The following GATA3 variants were observed in gnomAD, a reference collection of about 807,000 sequenced individuals.
GATA3 encodes the protein GATA binding protein 3.
A neutral mutation model predicts 36.0 loss-of-function variants in GATA3; 6 were observed. The observed-to-expected ratio is 0.17, with a 90% CI of 0.09 to 0.33. GATA3 has a LOEUF of 0.33. Ranked by LOEUF, GATA3 falls within the 10% of genes least tolerant of loss-of-function variation. The probability of loss-of-function intolerance (pLI) is 1.00; values close to 1 mark genes in which losing one functional copy is unlikely to be tolerated. For synonymous variants in GATA3, 326 were observed against 273.0 expected, an observed-to-expected ratio of 1.19 and a Z score of -1.92; for missense variants, 514 against 610.1, an observed-to-expected ratio of 0.84 and a Z score of 1.66.
intron 1 of GATA3, among the ~76,000 whole-genome samples, chr10:8,046,548 G>C (rs66655691): frequency 0.22 from 33,345 of 151,948 alleles, 3,887 homozygotes; most frequent in Middle Eastern, 0.29. Context: ...CTGCCGAGAA[G>C]GTAGTGGTAG....
intron 1 of GATA3, among the ~76,000 whole-genome samples, chr10:8,046,496 T>C (rs530992929): frequency 2.0e-5 from 3 of 152,178 alleles, no homozygotes; most frequent in Non-Finnish European, 2.9e-5. Flanking sequence ...AAGGGATCCA[T>C]GTTGAAGTAG....
chr10:8,067,239 A>T (rs1832856796), intron 4 of GATA3, among the ~76,000 whole-genome samples: 1 of 152,220 alleles, frequency 6.6e-6, no homozygotes, highest in African/African-American at 2.4e-5. Context: ...TGTGAATTAC[A>T]TTCAAGATGG....
At chr10:8,049,079 A>AAAAC (rs924299880), upstream of GATA3, among the ~76,000 whole-genome samples, 5 of 150,358 alleles carry the variant, frequency 3.3e-5, no homozygotes, top group African/African-American at 9.9e-5. Flanking sequence ...ATGAATAAGC[A>AAAAC]AAACAAACAA....
At chr10:8,045,884 G>A (rs564843244) in intron 1 of GATA3, among the ~76,000 whole-genome samples, 1 of 152,202 alleles carries the variant, frequency 6.6e-6, no homozygotes, top group Non-Finnish European at 1.5e-5. Flanking sequence ...GTGCCCAGGA[G>A]CCTTCTTCTA....
chr10:8,064,314 T>C (rs868561917), intron 4 of GATA3, among the ~76,000 whole-genome samples, 176 bp downstream of exon 4: 52 of 47,644 alleles, frequency 1.1e-3, no homozygotes, highest in South Asian at 1.6e-3. Context: ...TCTTCTTCTT[T>C]TTTTTTTTTT....
At position 8,058,795 on chromosome 10, in the gene GATA3, C is replaced by A. The variant is rs376009073; in HGVS notation, c.732C>A (p.Pro244=). ...FPPSSLLGGS[P]TGFGCKSRPK... ...CCAGCAGCCTGCTGGGCGGCTCCCC[C>A]ACCGGCTTCGGATGCAAGTCCAGGC... Residue 244 remains proline (P), a synonymous_variant, in exon 3 of 6, where the codon CCC becomes CCA. Coordinates refer to ENST00000379328, the MANE Select transcript of GATA3 (RefSeq NM_001002295.2). The A allele has an allele frequency of 4.4e-6, 7 of 1,608,168 alleles. No homozygotes were observed. The highest frequency in any genetic ancestry group is 5.9e-6 in the Non-Finnish European group (7 of 1,179,820).
intron 4 of GATA3, among the ~76,000 whole-genome samples, chr10:8,064,697 C>A (rs1484634359): frequency 6.6e-6 from 1 of 152,232 alleles, no homozygotes; most frequent in Non-Finnish European, 1.5e-5. Context: ...CACCAGCAAC[C>A]AGTGAGCCTA....
chr10:8,071,559 C>T (rs1206762273), intron 5 of GATA3, among the ~76,000 whole-genome samples: 1 of 152,134 alleles, frequency 6.6e-6, no homozygotes, highest in Non-Finnish European at 1.5e-5. Flanking sequence ...CTCTCCATGG[C>T]TCACTTCTAC....
chr10:8,060,747 CT>C lies in GATA3; in HGVS notation c.778+1909del, dbSNP rs1832733981. On this transcript the variant is annotated intron_variant, in intron 3 of 5. Transcript: ENST00000379328. ...TTTAGTCTTTTCTTTCCTCTCATTT[CT>C]TTCCATAAGACTCTGAACATGGAGG... 2.0e-5 allele frequency among the ~76,000 whole-genome samples: 3 copies of C among 152,266 alleles called. No individual in the cohort carries two copies. In the South Asian group the frequency reaches 6.2e-4, roughly 32 times the overall value.
At chr10:8,073,676 G>C (rs1016066835) in intron 5 of GATA3, 63 bp from the exon 6 acceptor site, 169 of 1,517,122 alleles carry the variant, frequency 1.1e-4, no homozygotes, top group Non-Finnish European at 1.4e-4. Context: ...GTGTGCGAGA[G>C]CCTGTGCATT....
chr10:8,054,458 C>T (rs11567882), upstream of GATA3, among the ~76,000 whole-genome samples: 787 of 152,220 alleles, frequency 5.2e-3, 15 homozygotes, highest in East Asian at 0.054. The surrounding 1 kb of genome is among the most constrained non-coding windows in gnomAD (Gnocchi z 4.2). Context: ...CCACCCTGCC[C>T]GCCGCCCCTC....
chr10:8,059,576 G>C (rs1447708820), intron 3 of GATA3, among the ~76,000 whole-genome samples: 1 of 152,198 alleles, frequency 6.6e-6, no homozygotes, highest in African/African-American at 2.4e-5. Context: ...GCTTGGCTGA[G>C]CTGCAGCCAG....
chr10:8,060,953 G>A (rs1306701334), intron 3 of GATA3, among the ~76,000 whole-genome samples: 1 of 152,156 alleles, frequency 6.6e-6, no homozygotes, highest in Non-Finnish European at 1.5e-5. Flanking sequence ...GGGGCGGCGA[G>A]CGAGCTGGGA....
At chr10:8,048,943 C>T (rs1307127614), upstream of GATA3, among the ~76,000 whole-genome samples, 1 of 112,714 alleles carries the variant, frequency 8.9e-6, no homozygotes, top group African/African-American at 3.4e-5. Context: ...AGGCCGGGGC[C>T]GGGCTGGGGG....
intron 3 of GATA3, among the ~76,000 whole-genome samples, chr10:8,059,795 T>C (rs1419599433): frequency 6.6e-6 from 1 of 152,240 alleles, no homozygotes; most frequent in African/African-American, 2.4e-5. Context: ...AACAAAGTAA[T>C]TGAGTCAAAA....
Position 8,055,971 on chromosome 10 carries a change from T to A in GATA3, c.241+75T>A. The A allele has an allele frequency of 6.5e-7, 1 of 1,537,120 alleles. No individual in the cohort carries two copies. The highest frequency in any genetic ancestry group is 1.2e-5 in the South Asian group (1 of 83,578). On this transcript the variant is annotated intron_variant, in intron 2 of 5. Coordinates refer to ENST00000379328, the MANE Select transcript of GATA3 (RefSeq NM_001002295.2). The surrounding 1 kb of genome is among the most constrained non-coding windows in gnomAD (Gnocchi z 5.4). The stretch of plus-strand genomic sequence containing the variant: ...CGGCTCGGGGAGGTCGGGAGGGACC[T>A]GAGGGCGGGGAGAGGTCAAGCGAAA...
At chr10:8,050,865 T>A (rs142355088), upstream of GATA3, 2 of 443,270 alleles carry the variant, frequency 4.5e-6, no homozygotes, top group East Asian at 1.3e-4. Flanking sequence ...TTAGTAACTT[T>A]AGGACTTCGA....
At position 8,058,712 on chromosome 10, in the gene GATA3, C is replaced by T. The variant is rs568425942; in HGVS notation, c.649C>T (p.His217Tyr). Residue 217 changes from histidine (H) to tyrosine (Y), a missense_variant, in exon 3 of 6, where the codon CAC becomes TAC. By Grantham distance (83) the His-to-Tyr change is moderately conservative. This residue lies in a region of GATA3 where 381 missense variants were observed against 354.3 expected (regional missense o/e 1.08). Transcript: ENST00000379328. ...ALGGASSSTH[H>Y]PITTYPPYVP... ...GGGTGGAGCCTCCTCGTCGACCCACCACCCCATCACCACCTACCCGCCCTA... is the reference window on the plus strand; with the variant it reads ...GGGTGGAGCCTCCTCGTCGACCCACTACCCCATCACCACCTACCCGCCCTA... 1 of 1,612,904 alleles carries T rather than the reference C, an allele frequency of 6.2e-7. No homozygotes were observed. The highest frequency in any genetic ancestry group is 8.5e-7 in the Non-Finnish European group (1 of 1,179,960).
chr10:8,061,466 T>C (rs1251424434), intron 3 of GATA3, among the ~76,000 whole-genome samples: 2 of 152,166 alleles, frequency 1.3e-5, no homozygotes, highest in Non-Finnish European at 2.9e-5. Flanking sequence ...CTGTGGTTCT[T>C]GTCACCTAAG....
Sources: allele counts gnomAD v4.1 joint callset (sites outside exome capture counted in the v4.1 genomes callset), GRCh38; gene constraint gnomAD v4.1.1; regional missense constraint gnomAD v4.1.1; non-coding constraint Gnocchi (gnomAD v3.1); transcripts MANE v1.5; gene names NCBI Gene and HGNC (gene_info 2026-07-23, HGNC 2026-07-21).